Variants in THADA observed in about 807,000 individuals in gnomAD.
The protein encoded by THADA is THADA armadillo repeat containing, also known as tRNA (32-2'-O)-methyltransferase regulator THADA.
In THADA, 213 loss-of-function variants were observed where a neutral mutation model predicts 219.8. The ratio of observed to expected loss-of-function variants is 0.97; its 90% CI spans 0.87 to 1.09. The LOEUF is 1.09. Among genes scored for constraint, THADA ranks in the 50% least tolerant of loss-of-function variants. The probability of loss-of-function intolerance (pLI) is 0.00; values close to 1 mark genes in which losing one functional copy is unlikely to be tolerated. For synonymous variants in THADA, 1,018 were observed against 828.9 expected (o/e 1.23, Z -3.92); for missense variants, 2,956 against 2,311.3 (o/e 1.28, Z -5.72).
intron 36 of THADA, among the ~76,000 whole-genome samples, chr2:43,266,082 A>T (rs1671489855): frequency 1.3e-5 from 2 of 151,840 alleles, no homozygotes; most frequent in Non-Finnish European, 2.9e-5. Context: ...TTCTGGTGTG[A>T]TGGGACTGGG....
Position 43,574,490 on chromosome 2 carries a change from A to T in THADA, c.1575T>A (p.Thr525=), listed in dbSNP as rs202167639. 2 of 1,613,910 alleles carry T rather than the reference A, an allele frequency of 1.2e-6. No individual in the cohort carries two copies. Among genetic ancestry groups the T allele is most frequent in the Admixed American group, 3.3e-5 (2 of 59,994 alleles). The change falls in exon 11 of 38, where the codon ACT becomes ACA. Residue 525 remains threonine (T), a synonymous_variant. Coordinates refer to ENST00000405975, the MANE Select transcript of THADA (RefSeq NM_022065.5). ...ATATAAAAAGGAGAGGAGAAACCCAAGTCTCATGCCACTGGTCAATCCAAG... is the reference window on the plus strand; with the variant it reads ...ATATAAAAAGGAGAGGAGAAACCCATGTCTCATGCCACTGGTCAATCCAAG... ...ESSWIDQWHE[T]WVSPLLFILC... is the part of the protein sequence containing the mutation.
At chr2:43,502,347 G>T (rs946560965) in intron 24 of THADA, among the ~76,000 whole-genome samples, 1 of 152,128 alleles carries the variant, frequency 6.6e-6, no homozygotes, top group African/African-American at 2.4e-5. Flanking sequence ...CACTTTGGGA[G>T]GCCAAGGCGG....
chr2:43,252,568 A>G (rs1276676064), intron 36 of THADA, among the ~76,000 whole-genome samples: 1 of 152,142 alleles, frequency 6.6e-6, no homozygotes, highest in Non-Finnish European at 1.5e-5. Context: ...TAATATTCCT[A>G]ACACGACTGT....
intron 36 of THADA, among the ~76,000 whole-genome samples, chr2:43,267,868 C>T (rs1407907219): frequency 6.6e-6 from 1 of 152,128 alleles, no homozygotes; most frequent in Non-Finnish European, 1.5e-5. Context: ...AAATCTATAC[C>T]CCGACTAAAA....
At position 43,455,518 on chromosome 2, in the gene THADA, T is replaced by TCA. The variant is rs35958795; in HGVS notation, c.3837-25218_3837-25217dup. ...CACGTGCTCTCGCTCTCTCTCTCTCTCACACACACACACACACACACACAA... is the reference window on the plus strand; with the variant it reads ...CACGTGCTCTCGCTCTCTCTCTCTCTCACACACACACACACACACACACACAA... On this transcript the variant is annotated intron_variant, in intron 26 of 37. Coordinates refer to ENST00000405975, the MANE Select transcript of THADA (RefSeq NM_022065.5). Among the ~76,000 whole-genome samples the TCA allele has an allele frequency of 4.1e-3, 613 of 149,122 alleles. 7 individuals are homozygous for TCA. The highest frequency in any genetic ancestry group is 0.02 in the Admixed American group (301 of 14,978).
At chr2:43,287,231 G>C (rs758855175) in intron 34 of THADA, among the ~76,000 whole-genome samples, 170 bp from the exon 35 acceptor site, 3 of 152,270 alleles carry the variant, frequency 2.0e-5, no homozygotes, top group Non-Finnish European at 2.9e-5. Context: ...ATATGCCCAA[G>C]GAAGAAAATC....
chr2:43,367,749 T>C (rs1670330159), intron 29 of THADA, among the ~76,000 whole-genome samples: 1 of 152,230 alleles, frequency 6.6e-6, no homozygotes, highest in African/African-American at 2.4e-5. Flanking sequence ...AGTTCACTGC[T>C]TTTCCAGTCT....
intron 25 of THADA, among the ~76,000 whole-genome samples, chr2:43,489,874 C>CAGAAAAAAAAAAA (rs1687404790): frequency 1.8e-5 from 1 of 56,088 alleles, no homozygotes; most frequent in Admixed American, 1.6e-4. Flanking sequence ...TTAAGATCTG[C>CAGAAAAAAAAAAA]AAAAAAAAAA....
intron 25 of THADA, among the ~76,000 whole-genome samples, chr2:43,496,727 G>A (rs1424395309): frequency 6.6e-6 from 1 of 151,910 alleles, no homozygotes; most frequent in Non-Finnish European, 1.5e-5. Flanking sequence ...ATGGCTGATG[G>A]GAGTATAAAA....
chr2:43,427,740 A>C (rs1678654236), intron 28 of THADA, among the ~76,000 whole-genome samples: 1 of 149,542 alleles, frequency 6.7e-6, no homozygotes, highest in African/African-American at 2.4e-5. Flanking sequence ...GCGGATCACA[A>C]GGTCAGGAGA....
Position 43,426,215 on chromosome 2 carries a change from T to C in THADA, c.4058+1885A>G, listed in dbSNP as rs12469298. 2.6e-4 allele frequency among the ~76,000 whole-genome samples: 40 copies of C among 152,344 alleles called. 1 individual carries two copies. Among genetic ancestry groups the C allele is most frequent in the Admixed American group, 1.4e-3 (22 of 15,302 alleles). On this transcript the variant is annotated intron_variant, in intron 28 of 37. Coordinates refer to ENST00000405975, the MANE Select transcript of THADA (RefSeq NM_022065.5). The stretch of plus-strand genomic sequence containing the variant: ...GAGTAGTATCAGCATTCTGATTATA[T>C]GTAAACTAAGCAACATTTTGGAAAG...
At position 43,354,043 on chromosome 2, in the gene THADA, T is replaced by C. The variant is rs950172795; in HGVS notation, c.4228-9806A>G. Among the ~76,000 whole-genome samples the C allele has an allele frequency of 1.0e-3, 157 of 152,122 alleles. 1 individual carries two copies. Among genetic ancestry groups the C allele is most frequent in the African/African-American group, 3.7e-3 (154 of 41,492 alleles). ...CGTGTTAGCCAGGCTGGTCTCAATC[T>C]CCTGACCTCGTGATCCGCCCGCCTC... is the stretch of plus-strand genomic sequence containing the variant. On this transcript the variant is annotated intron_variant, in intron 29 of 37. Coordinates refer to ENST00000405975, the MANE Select transcript of THADA (RefSeq NM_022065.5).
chr2:43,581,396 T>C (rs1700424560), intron 8 of THADA, among the ~76,000 whole-genome samples: 1 of 151,884 alleles, frequency 6.6e-6, no homozygotes, highest in Non-Finnish European at 1.5e-5. Flanking sequence ...TCAGGTGTGG[T>C]GGTACCCTCC....
At chr2:43,327,485 G>A (rs1679468339) in intron 30 of THADA, among the ~76,000 whole-genome samples, 1 of 133,722 alleles carries the variant, frequency 7.5e-6, no homozygotes, top group Non-Finnish European at 1.6e-5. Flanking sequence ...AAGAGGGGGG[G>A]TGGTTAGAAG....
chr2:43,587,002 G>C lies in THADA; in HGVS notation c.303C>G (p.Ser101Arg), dbSNP rs1294938477. ...LKNPLKKVLA[S>R]SLNSLPDFFL... is the part of the protein sequence containing the mutation. ...AAAAATCAGGCAGGCTATTTAGTGA[G>C]CTAGAAAAAGAAACAAATATTAAAA... Residue 101 changes from serine (S) to arginine (R), a missense_variant and splice_region_variant, in exon 5 of 38, where the codon AGC (serine) becomes AGG (arginine). Physicochemically the swap from Ser to Arg is moderately radical, Grantham distance 110. Transcript: ENST00000405975. 1.2e-6 allele frequency: 2 copies of C among 1,611,638 alleles called. No individual in the cohort carries two copies. Among genetic ancestry groups the C allele is most frequent in the Admixed American group, 1.7e-5 (1 of 59,582 alleles).
intron 1 of THADA, chr2:43,592,940 C>T (rs988179737): frequency 2.0e-5 from 3 of 152,124 alleles, no homozygotes; most frequent in Non-Finnish European, 2.9e-5. Context: ...CTTGAGTTTG[C>T]TTTTATCGAT....
chr2:43,350,382 G>A (rs1558622912), intron 29 of THADA, among the ~76,000 whole-genome samples: 2 of 152,212 alleles, frequency 1.3e-5, no homozygotes, highest in Non-Finnish European at 2.9e-5. Context: ...GTATGTGAGT[G>A]GAGGGCAAGG....
intron 29 of THADA, among the ~76,000 whole-genome samples, chr2:43,372,681 A>G (rs1415675829): frequency 6.6e-6 from 1 of 152,232 alleles, no homozygotes; most frequent in Non-Finnish European, 1.5e-5. Context: ...AAAAGGAAAC[A>G]GGCCATATAA....
intron 26 of THADA, among the ~76,000 whole-genome samples, chr2:43,454,366 T>C (rs903551596): frequency 2.0e-5 from 3 of 152,100 alleles, no homozygotes; most frequent in South Asian, 2.1e-4. Flanking sequence ...TTTGGGAGGC[T>C]GAGGTGGGAG....
Sources: gnomAD v4.1 joint callset for allele counts (sites outside exome capture counted in the v4.1 genomes callset) on GRCh38, gnomAD v4.1.1 for gene constraint, MANE v1.5 for transcripts, NCBI Gene and HGNC (gene_info 2026-07-23, HGNC 2026-07-21) for gene names.